The following ASTN2 variants were observed in gnomAD, a reference collection of about 807,000 sequenced individuals.
The protein encoded by ASTN2 is astrotactin-2.
Under a neutral mutation model 139.8 loss-of-function variants are expected in ASTN2, and 54 were observed. The observed-to-expected ratio is 0.39, with a 90% CI of 0.31 to 0.48. ASTN2 has a LOEUF of 0.48. ASTN2 is among the 20% of genes least tolerant of loss of function. ASTN2 has a pLI of 0.95. For synonymous variants in ASTN2, 756 were observed against 719.5 expected (o/e 1.05, Z -0.81); for missense variants, 1,565 against 1,725.1 (o/e 0.91, Z 1.64).
chr9:116,865,575 A>G (rs1832994533), intron 10 of ASTN2, among the ~76,000 whole-genome samples: 1 of 152,046 alleles, frequency 6.6e-6, no homozygotes, highest in Non-Finnish European at 1.5e-5. Context: ...GGATGTCCTG[A>G]ATTAAAGCAA....
At chr9:117,333,151 G>A (rs943928713) in intron 1 of ASTN2, among the ~76,000 whole-genome samples, 1 of 152,052 alleles carries the variant, frequency 6.6e-6, no homozygotes, top group Non-Finnish European at 1.5e-5. Flanking sequence ...TATCTCAATC[G>A]AGCTATTTCT....
At chr9:117,041,926 T>C (rs1057184009) in intron 5 of ASTN2, among the ~76,000 whole-genome samples, 1 of 152,172 alleles carries the variant, frequency 6.6e-6, no homozygotes, top group Non-Finnish European at 1.5e-5. Context: ...ACTACCCATA[T>C]TCATTGTGTT....
At chr9:116,937,948 C>T (rs1835123888) in intron 10 of ASTN2, among the ~76,000 whole-genome samples, 1 of 152,174 alleles carries the variant, frequency 6.6e-6, no homozygotes, top group African/African-American at 2.4e-5. Context: ...TGAAGACATA[C>T]TGTGTACCAG....
intron 16 of ASTN2, among the ~76,000 whole-genome samples, chr9:116,718,972 G>GTATGTATATA (rs373217069): frequency 1.0e-5 from 1 of 100,000 alleles, no homozygotes; most frequent in South Asian, 3.6e-4. Context: ...ACCTGTATCT[G>GTATGTATATA]TACATATATA....
At chr9:116,971,842 TATGAG>T (rs1454018874) in intron 10 of ASTN2, among the ~76,000 whole-genome samples, 1 of 152,216 alleles carries the variant, frequency 6.6e-6, no homozygotes, top group Non-Finnish European at 1.5e-5. Context: ...CCATATATGA[TATGAG>T]ATTTTTATTT....
intron 2 of ASTN2, among the ~76,000 whole-genome samples, chr9:117,256,148 G>C (rs1833680305): frequency 1.3e-5 from 2 of 152,132 alleles, no homozygotes; most frequent in South Asian, 4.1e-4. Flanking sequence ...ATGCGGAATG[G>C]GGAGTGGGAA....
At chr9:116,862,025 G>A (rs1001040041) in intron 11 of ASTN2, among the ~76,000 whole-genome samples, 1 of 112,836 alleles carries the variant, frequency 8.9e-6, no homozygotes, top group African/African-American at 3.6e-5. Flanking sequence ...TCTATCACTT[G>A]TAATCCTGAG....
At chr9:116,638,911 T>C (rs924840127) in intron 17 of ASTN2, among the ~76,000 whole-genome samples, 3 of 152,204 alleles carry the variant, frequency 2.0e-5, no homozygotes, top group Admixed American at 6.5e-5. Flanking sequence ...GCATTAAGGT[T>C]ATCTTTTGAG....
intron 10 of ASTN2, among the ~76,000 whole-genome samples, chr9:116,959,395 A>G (rs1192288488): frequency 6.6e-6 from 1 of 152,264 alleles, no homozygotes; most frequent in Non-Finnish European, 1.5e-5. Flanking sequence ...CTGAGTCCTC[A>G]AGGGCTATGA....
At chr9:116,520,014 A>C (rs1850801738) in intron 19 of ASTN2, among the ~76,000 whole-genome samples, 1 of 152,096 alleles carries the variant, frequency 6.6e-6, no homozygotes, top group Non-Finnish European at 1.5e-5. Flanking sequence ...ATAATAATTT[A>C]AAAACTACCA....
At chr9:116,933,310 G>C (rs1228384793) in intron 10 of ASTN2, among the ~76,000 whole-genome samples, 1 of 152,074 alleles carries the variant, frequency 6.6e-6, no homozygotes, top group African/African-American at 2.4e-5. Context: ...CTGTAAAATT[G>C]GTTGAGACTG....
intron 3 of ASTN2, among the ~76,000 whole-genome samples, chr9:117,174,632 G>A (rs539539669): frequency 1.2e-4 from 18 of 151,322 alleles, no homozygotes; most frequent in South Asian, 4.3e-4. Flanking sequence ...GTTAAAAAAC[G>A]TAAGGATAGT....
At chr9:117,277,496 C>A (rs1055999276) in intron 2 of ASTN2, among the ~76,000 whole-genome samples, 1 of 151,976 alleles carries the variant, frequency 6.6e-6, no homozygotes, top group Non-Finnish European at 1.5e-5. Flanking sequence ...ATTGGTACAG[C>A]CATTATGGAA....
chr9:116,971,039 C>CTATA (rs141253191), intron 10 of ASTN2, among the ~76,000 whole-genome samples: 42,377 of 151,876 alleles, frequency 0.28, 6,155 homozygotes, highest in Admixed American at 0.37. Flanking sequence ...ATGCTCCTTG[C>CTATA]TATACCATGA....
At chr9:116,993,612 T>C (rs1015670285) in intron 7 of ASTN2, among the ~76,000 whole-genome samples, 1 of 149,162 alleles carries the variant, frequency 6.7e-6, no homozygotes, top group Non-Finnish European at 1.5e-5. Context: ...TAAGTTACTA[T>C]ATACAGTATC....
At chr9:117,011,387 C>T (rs1297661580) in intron 6 of ASTN2, among the ~76,000 whole-genome samples, 1 of 152,162 alleles carries the variant, frequency 6.6e-6, no homozygotes, top group Non-Finnish European at 1.5e-5. Flanking sequence ...AGAGTTCCCT[C>T]ACTCCTTCCA....
At chr9:116,490,296 AAAAAAAAG>A in intron 19 of ASTN2, among the ~76,000 whole-genome samples, 1 of 145,880 alleles carries the variant, frequency 6.9e-6, no homozygotes, top group African/African-American at 2.5e-5. Context: ...AAAAAAAAAA[AAAAAAAAG>A]GGGGCATTGG....
intron 16 of ASTN2, among the ~76,000 whole-genome samples, chr9:116,660,169 C>CACAA (rs1491476580): frequency 1.3e-4 from 1 of 7,546 alleles, no homozygotes; most frequent in Non-Finnish European, 2.1e-4. Context: ...ATTGCAAGCG[C>CACAA]ACACACACAC....
At chr9:117,198,397 T>C (rs1171599726) in intron 3 of ASTN2, among the ~76,000 whole-genome samples, 3 of 152,150 alleles carry the variant, frequency 2.0e-5, no homozygotes, top group Non-Finnish European at 4.4e-5. Context: ...CCATGGTGTA[T>C]ATGTACCACA....
Sources: gnomAD v4.1 joint callset for allele counts (sites outside exome capture counted in the v4.1 genomes callset) on GRCh38, gnomAD v4.1.1 for gene constraint, MANE v1.5 for transcripts, NCBI Gene and HGNC (gene_info 2026-07-23, HGNC 2026-07-21) for gene names.